BBS9: variants seen among roughly 807,000 people sequenced by gnomAD.
BBS9 encodes the protein Bardet-Biedl syndrome 9.
In BBS9, 89 loss-of-function variants were observed where a neutral mutation model predicts 117.7. The observed-to-expected ratio is 0.76, with a 90% CI of 0.64 to 0.90. BBS9 has a LOEUF of 0.90. Ranked by LOEUF, BBS9 falls within the 40% of genes least tolerant of loss-of-function variation. The pLI is 0.00. For missense variants in BBS9, 982 were observed against 1,042.2 expected, an observed-to-expected ratio of 0.94 and a Z score of 0.80; for synonymous variants, 379 against 370.9, an observed-to-expected ratio of 1.02 and a Z score of -0.25.
At chr7:33,612,888 T>C (rs1864949129) in intron 21 of BBS9, among the ~76,000 whole-genome samples, 1 of 152,094 alleles carries the variant, frequency 6.6e-6, no homozygotes, top group Non-Finnish European at 1.5e-5. Context: ...GGCCTGGTCC[T>C]CTTGAAAAGG....
intron 21 of BBS9, among the ~76,000 whole-genome samples, chr7:33,583,772 A>G (rs935040206): frequency 6.6e-6 from 1 of 152,086 alleles, no homozygotes; most frequent in East Asian, 1.9e-4. Context: ...TTGAGTTTGT[A>G]TCATAGCTTC....
At chr7:33,211,842 A>G (rs1788084845) in intron 5 of BBS9, among the ~76,000 whole-genome samples, 1 of 152,214 alleles carries the variant, frequency 6.6e-6, no homozygotes, top group Non-Finnish European at 1.5e-5. Flanking sequence ...TGCCAGACAC[A>G]CTATTGAAGG....
intron 7 of BBS9, among the ~76,000 whole-genome samples, 178 bp from the exon 8 acceptor site, chr7:33,272,834 T>G (rs1317135195): frequency 6.6e-6 from 1 of 151,992 alleles, no homozygotes; most frequent in Admixed American, 6.6e-5. Context: ...ATTAGAGTCT[T>G]GTAAAATACC....
intron 18 of BBS9, among the ~76,000 whole-genome samples, chr7:33,384,427 T>C (rs1372992482): frequency 6.6e-6 from 1 of 152,208 alleles, no homozygotes; most frequent in Non-Finnish European, 1.5e-5. Context: ...TAGATTCTCT[T>C]GAGTATTTCA....
At chr7:33,573,516 C>A (rs867193933) in intron 21 of BBS9, among the ~76,000 whole-genome samples, 2 of 152,004 alleles carry the variant, frequency 1.3e-5, no homozygotes, top group Middle Eastern at 3.2e-3. Context: ...CTTTATAGTT[C>A]TCCAATTTAT....
chr7:33,472,339 G>A (rs936515367), intron 19 of BBS9, among the ~76,000 whole-genome samples: 4 of 152,132 alleles, frequency 2.6e-5, no homozygotes, highest in African/African-American at 9.7e-5. Context: ...TTTGTTTTTT[G>A]ATATTATAGT....
At chr7:33,619,669 T>G (rs531782305) in intron 21 of BBS9, among the ~76,000 whole-genome samples, 1 of 152,192 alleles carries the variant, frequency 6.6e-6, no homozygotes, top group East Asian at 1.9e-4. Context: ...TTCTTTTACC[T>G]CAATGCTATG....
chr7:33,277,876 A>G (rs573867168), intron 9 of BBS9, among the ~76,000 whole-genome samples: 43 of 152,248 alleles, frequency 2.8e-4, no homozygotes, highest in African/African-American at 9.1e-4. Context: ...GGGAAGTTGC[A>G]TATCTTGTGA....
intron 5 of BBS9, among the ~76,000 whole-genome samples, chr7:33,250,369 G>C (rs960899111): frequency 6.6e-5 from 10 of 152,162 alleles, no homozygotes; most frequent in Admixed American, 6.6e-4. Flanking sequence ...ATTTCTTACA[G>C]CTCCTGATAT....
At chr7:33,630,502 T>TG (rs1299417795) in intron 21 of BBS9, among the ~76,000 whole-genome samples, 2 of 152,192 alleles carry the variant, frequency 1.3e-5, no homozygotes, top group Non-Finnish European at 2.9e-5. Flanking sequence ...CCCCTACCCC[T>TG]GCGTCCGTTA....
intron 19 of BBS9, among the ~76,000 whole-genome samples, chr7:33,411,256 G>T (rs1225984100): frequency 6.6e-6 from 1 of 152,026 alleles, no homozygotes; most frequent in African/African-American, 2.4e-5. Context: ...TCAAATCCCT[G>T]AAGTATCCCA....
Position 33,155,717 on chromosome 7 carries a change from T to TTTTTTCTTTTCTTTTTTTTTTTTTTG in BBS9, c.328+15_328+16insTTTTTCTTTTCTTTTTTTTTTTTTTG. ...CTCTGTCTCAGGTAAGAAATATTTT[T>TTTTTTCTTTTCTTTTTTTTTTTTTTG]ACCAATGTAGAATTTATATTACAAA... is the stretch of plus-strand genomic sequence containing the variant. On this transcript the variant is annotated intron_variant, in intron 4 of 22. Transcript: ENST00000242067. The TTTTTTCTTTTCTTTTTTTTTTTTTTG allele has an allele frequency of 7.2e-7, 1 of 1,393,694 alleles. No homozygotes were observed. 86.3% of individuals were successfully genotyped at this position (1,393,694 alleles called of 1,614,324 possible).
intron 21 of BBS9, among the ~76,000 whole-genome samples, chr7:33,557,258 CT>C (rs1294931353): frequency 3.9e-5 from 6 of 152,118 alleles, no homozygotes; most frequent in Admixed American, 3.9e-4. Context: ...AGATCTTTTA[CT>C]TTTTTTCATT....
At chr7:33,149,813 C>G (rs1793017346) in intron 2 of BBS9, among the ~76,000 whole-genome samples, 1 of 152,174 alleles carries the variant, frequency 6.6e-6, no homozygotes, top group African/African-American at 2.4e-5. Context: ...AATAGTCGTA[C>G]ATATACATTT....
At chr7:33,227,685 A>G (rs1260974222) in intron 5 of BBS9, among the ~76,000 whole-genome samples, 1 of 152,004 alleles carries the variant, frequency 6.6e-6, no homozygotes, top group East Asian at 1.9e-4. Flanking sequence ...CTTAGCTCCC[A>G]CTTATGAGTG....
Position 33,368,809 on chromosome 7 carries a change from AT to A in BBS9, c.1789+950del, listed in dbSNP as rs577511798. Among the ~76,000 whole-genome samples the A allele has an allele frequency of 2.5e-3, 384 of 152,272 alleles. 1 individual carries two copies. The highest frequency in any genetic ancestry group is 4.1e-3 in the Non-Finnish European group (282 of 68,006). ...TATTAGCAGGAGGAACAGACATCCC[AT>A]TTAGAAACTGTAACAATGTTTTTAT... On this transcript the variant is annotated intron_variant, in intron 17 of 22. Transcript: ENST00000242067.
intron 9 of BBS9, among the ~76,000 whole-genome samples, chr7:33,281,070 C>T (rs897994705): frequency 5.3e-5 from 8 of 151,506 alleles, no homozygotes; most frequent in Admixed American, 3.9e-4. Context: ...TGATATTTAG[C>T]ACCTCTGCAT....
chr7:33,466,075 T>C (rs1024689111), intron 19 of BBS9, among the ~76,000 whole-genome samples: 1 of 152,066 alleles, frequency 6.6e-6, no homozygotes, highest in Non-Finnish European at 1.5e-5. Flanking sequence ...GATATATATA[T>C]ATATACACAC....
intron 19 of BBS9, among the ~76,000 whole-genome samples, chr7:33,449,428 A>G (rs949685059): frequency 6.6e-6 from 1 of 152,170 alleles, no homozygotes; most frequent in East Asian, 1.9e-4. Flanking sequence ...TGCTTCACCA[A>G]TAAATAGCTA....
Sources: allele counts gnomAD v4.1 joint callset (sites outside exome capture counted in the v4.1 genomes callset), GRCh38; gene constraint gnomAD v4.1.1; transcripts MANE v1.5; gene names NCBI Gene and HGNC (gene_info 2026-07-23, HGNC 2026-07-21).